The following KATNIP variants were observed in gnomAD, a reference collection of about 807,000 sequenced individuals.
KATNIP encodes katanin interacting protein.
Under a neutral mutation model 174.0 loss-of-function variants are expected in KATNIP, and 126 were observed. The ratio of observed to expected loss-of-function variants is 0.72; its 90% CI spans 0.63 to 0.84. The LOEUF is 0.84. Among genes scored for constraint, KATNIP ranks in the 40% least tolerant of loss-of-function variants. The probability of loss-of-function intolerance (pLI) is 0.00; values close to 1 mark genes in which losing one functional copy is unlikely to be tolerated. For missense variants in KATNIP, 1,958 were observed against 2,109.7 expected, an observed-to-expected ratio of 0.93 and a Z score of 1.41; for synonymous variants, 810 against 835.7, an observed-to-expected ratio of 0.97 and a Z score of 0.53.
At chr16:27,690,024 C>T (rs1250612602) in intron 8 of KATNIP, among the ~76,000 whole-genome samples, 5 of 152,036 alleles carry the variant, frequency 3.3e-5, no homozygotes, top group Admixed American at 2.0e-4. Context: ...CAGGCAGGGC[C>T]GGCTGCAGTG....
At chr16:27,570,658 C>T (rs1366431842) in intron 1 of KATNIP, among the ~76,000 whole-genome samples, 2 of 152,068 alleles carry the variant, frequency 1.3e-5, no homozygotes, top group African/African-American at 2.4e-5. Context: ...GTGTCTTGTT[C>T]GGGTGGCCAT....
At chr16:27,606,824 C>T (rs1027146276) in intron 2 of KATNIP, among the ~76,000 whole-genome samples, 2 of 151,966 alleles carry the variant, frequency 1.3e-5, no homozygotes, top group East Asian at 1.9e-4. Flanking sequence ...CCTCAGCCTC[C>T]GGAAGTGCTG....
chr16:27,628,566 T>C (rs986554493), intron 3 of KATNIP, 95 bp from the exon 4 acceptor site: 7 of 1,339,934 alleles, frequency 5.2e-6, no homozygotes, highest in Non-Finnish European at 7.3e-6. Flanking sequence ...TTAGAGACGC[T>C]TCACTGTGGG....
chr16:27,741,174 T>G (rs1314402796), intron 15 of KATNIP, among the ~76,000 whole-genome samples: 2 of 152,250 alleles, frequency 1.3e-5, no homozygotes, highest in Non-Finnish European at 2.9e-5. Flanking sequence ...TTGCCCATTT[T>G]TCTTGCAACA....
At position 27,769,986 on chromosome 16, in the gene KATNIP, A is replaced by G. The variant is rs2144172099; in HGVS notation, c.4101A>G (p.Leu1367=). The change falls in exon 21 of 28, where the codon CTA becomes CTG. Residue 1367 remains leucine (L), a synonymous_variant. Coordinates refer to ENST00000261588, the MANE Select transcript of KATNIP (RefSeq NM_015202.5). The part of the protein sequence containing the change: ...FAQEILFVDY[L]RAQLLPQPAR... ...AAGAAATCCTCTTCGTGGACTACCT[A>G]CGGGCTCAGCTGCTGCCCCAGCCGG... The G allele has an allele frequency of 1.2e-6, 2 of 1,614,122 alleles. No homozygotes were observed. The highest frequency in any genetic ancestry group is 1.7e-6 in the Non-Finnish European group (2 of 1,179,934).
chr16:27,576,260 C>T (rs1018714188), intron 2 of KATNIP, among the ~76,000 whole-genome samples: 4 of 152,094 alleles, frequency 2.6e-5, no homozygotes, highest in Non-Finnish European at 2.9e-5. Flanking sequence ...GCCCATCGCC[C>T]GAGAGCATTT....
In KATNIP at chr16:27,697,937, C is replaced by T. The variant is rs535260297; in HGVS notation, c.941-391C>T. On this transcript the variant is annotated intron_variant, in intron 8 of 27. Coordinates refer to ENST00000261588, the MANE Select transcript of KATNIP (RefSeq NM_015202.5). ...TGGCAGACATCATTCCCCTTTACCC[C>T]GAACACTGCTATATATATCTCCTAA... 6.6e-5 allele frequency among the ~76,000 whole-genome samples: 10 copies of T among 152,254 alleles called. No homozygotes were observed. In the South Asian group the frequency reaches 1.5e-3, roughly 22 times the overall value.
chr16:27,597,511 A>G (rs566205568), intron 2 of KATNIP, among the ~76,000 whole-genome samples: 1 of 131,178 alleles, frequency 7.6e-6, no homozygotes, highest in African/African-American at 2.9e-5. Context: ...TCCCTGGGCT[A>G]TGTGTCTTGG....
chr16:27,565,797 A>C (rs2090065808), intron 1 of KATNIP, among the ~76,000 whole-genome samples: 1 of 152,014 alleles, frequency 6.6e-6, no homozygotes, highest in African/African-American at 2.4e-5. Flanking sequence ...AAAACAACAA[A>C]AAAACAAAAA....
chr16:27,778,024 TAGA>T, intron 27 of KATNIP, 55 bp downstream of exon 27: 2 of 1,516,810 alleles, frequency 1.3e-6, no homozygotes, highest in Non-Finnish European at 1.8e-6. Context: ...GGTCTGAATA[TAGA>T]AGGAGCTGGT....
At chr16:27,599,110 C>T (rs1267339077) in intron 2 of KATNIP, among the ~76,000 whole-genome samples, 2 of 152,194 alleles carry the variant, frequency 1.3e-5, no homozygotes, top group African/African-American at 4.8e-5. Context: ...CCATGCAAAG[C>T]CCACAGCCAC....
In KATNIP at chr16:27,698,342, C is replaced by T. The variant is rs1236253745; in HGVS notation, c.955C>T (p.Arg319Ter). ...TCTGCCCTCAGGACCTGGAAGCCGGCGAGAGAGACCCCTGTCTGCAACCCG... is the reference window on the plus strand; with the variant it reads ...TCTGCCCTCAGGACCTGGAAGCCGGTGAGAGAGACCCCTGTCTGCAACCCG... ...ERMCSRPGSR[R>*]ERPLSATRKT... The change falls in exon 9 of 28, where the codon CGA (arginine) becomes TGA (stop). Residue 319 changes from arginine to a stop codon, truncating the protein, a stop_gained. Transcript: ENST00000261588. LOFTEE classifies it high-confidence loss of function. The T allele has an allele frequency of 9.3e-6, 15 of 1,609,152 alleles. No homozygotes were observed. The highest frequency in any genetic ancestry group is 1.6e-4 in the Middle Eastern group (1 of 6,072).
intron 6 of KATNIP, chr16:27,654,682 C>T (rs769223069): frequency 7.4e-7 from 1 of 1,351,840 alleles, no homozygotes; most frequent in South Asian, 1.1e-5. Context: ...GACATTCTGA[C>T]CCTTCAAGCA....
In KATNIP at chr16:27,574,558, C is replaced by CTT. The variant is rs10708223; in HGVS notation, c.63+626_63+627dup. Among the ~76,000 whole-genome samples the CTT allele has an allele frequency of 4.9e-3, 264 of 53,476 alleles. 1 individual carries two copies. The highest frequency in any genetic ancestry group is 5.2e-3 in the Non-Finnish European group (162 of 30,904). The allele number at this position is 53,476 out of a possible 152,430, so 35.1% of individuals were successfully genotyped here. The stretch of plus-strand genomic sequence containing the variant: ...AGTGTCACTTCTACCACTTTCTATT[C>CTT]TTTTTTTTTTTTTTTTTTTTTTTTT... On this transcript the variant is annotated intron_variant, in intron 2 of 27. Transcript: ENST00000261588.
At chr16:27,551,539 G>A (rs907284497) in intron 1 of KATNIP, among the ~76,000 whole-genome samples, 4 of 152,030 alleles carry the variant, frequency 2.6e-5, no homozygotes, top group Admixed American at 6.6e-5. Context: ...TTACCATATC[G>A]AAGATTTAAA....
chr16:27,740,693 G>A lies in KATNIP; in HGVS notation c.2396G>A (p.Gly799Glu), dbSNP rs758791157. Reference protein sequence around the residue: ...PSDDVIGEGPGETEARDKGLR... With the variant: ...PSDDVIGEGPEETEARDKGLR... ...GACGATGTCATCGGTGAGGGTCCTG[G>A]AGAGACCGAGGCCAGGGATAAAGGC... Residue 799 changes from glycine (G) to glutamate (E), a missense_variant, in exon 15 of 28, where the codon GGA becomes GAA. Coordinates refer to ENST00000261588, the MANE Select transcript of KATNIP (RefSeq NM_015202.5). 1.9e-6 allele frequency: 3 copies of A among 1,614,210 alleles called. No homozygotes were observed. The highest frequency in any genetic ancestry group is 1.3e-5 in the African/African-American group (1 of 75,066).
intron 13 of KATNIP, among the ~76,000 whole-genome samples, chr16:27,712,397 C>T (rs1044419143): frequency 2.0e-5 from 3 of 152,132 alleles, no homozygotes; most frequent in African/African-American, 4.8e-5. Flanking sequence ...CCTGGTGCAT[C>T]GCCTCGTTTA....
At chr16:27,730,831 G>T (rs2080648610) in intron 14 of KATNIP, among the ~76,000 whole-genome samples, 1 of 152,188 alleles carries the variant, frequency 6.6e-6, no homozygotes, top group Non-Finnish European at 1.5e-5. Flanking sequence ...CCTGCAATGT[G>T]TTCGGTTTTG....
At chr16:27,580,996 G>A (rs1445874902) in intron 2 of KATNIP, among the ~76,000 whole-genome samples, 3 of 152,126 alleles carry the variant, frequency 2.0e-5, no homozygotes, top group Non-Finnish European at 4.4e-5. Flanking sequence ...GGATGCTGAG[G>A]TGGGTGGCTC....
Sources: allele counts gnomAD v4.1 joint callset (sites outside exome capture counted in the v4.1 genomes callset), GRCh38; gene constraint gnomAD v4.1.1; transcripts MANE v1.5; gene names NCBI Gene and HGNC (gene_info 2026-07-23, HGNC 2026-07-21).